The following CD276 variants were observed in gnomAD, a reference collection of about 807,000 sequenced individuals.
CD276 encodes CD276 antigen.
CD276 carries 34 observed loss-of-function variants against 50.0 expected under a neutral mutation model. The ratio of observed to expected loss-of-function variants is 0.68; its 90% CI spans 0.52 to 0.91. The LOEUF (loss-of-function observed/expected upper bound fraction) is 0.91. CD276 is among the 40% of genes least tolerant of loss of function. CD276 has a pLI of 0.00. For synonymous variants in CD276, 275 were observed against 313.0 expected, an observed-to-expected ratio of 0.88 and a Z score of 1.28; for missense variants, 634 against 717.5, an observed-to-expected ratio of 0.88 and a Z score of 1.33.
chr15:73,713,259 C>G lies in CD276; in HGVS notation c.*303C>G, dbSNP rs3816661. 8.3e-5 allele frequency: 34 copies of G among 407,884 alleles called. No homozygotes were observed. Among genetic ancestry groups the G allele is most frequent in the Non-Finnish European group, 1.0e-4 (23 of 229,062 alleles). The allele number at this position is 407,884 out of a possible 1,614,324, so 25.3% of individuals were successfully genotyped here. The stretch of plus-strand genomic sequence containing the variant: ...ACATACATTTCTTAGGGACACAGTA[C>G]ACTGACCACATCACCACCCTCTTCT... On this transcript the variant is annotated 3_prime_UTR_variant, in exon 10 of 10. Coordinates refer to ENST00000318443, the MANE Select transcript of CD276 (RefSeq NM_001024736.2).
In CD276 at chr15:73,704,017, C is replaced by G; in HGVS notation, c.1072+20C>G. 3.8e-6 allele frequency: 6 copies of G among 1,599,812 alleles called. No homozygotes were observed. Among genetic ancestry groups the G allele is most frequent in the Non-Finnish European group, 5.1e-6 (6 of 1,173,568 alleles). ...TGGCCGGTGAGCACCAGGAGGGCGA[C>G]GCCTTCCCCTTGGTTCACCCTCCAT... On this transcript the variant is annotated intron_variant, in intron 5 of 9. Transcript: ENST00000318443. The surrounding 1 kb of genome is among the most constrained non-coding windows in gnomAD (Gnocchi z 4.1).
rs775147523 is a variant in CD276, at chr15:73,704,449, C to T, written c.1346C>T (p.Ala449Val). The change falls in exon 6 of 10, where the codon GCG (alanine) becomes GTG (valine). Residue 449 changes from alanine (A) to valine (V), a missense_variant. Coordinates refer to ENST00000318443, the MANE Select transcript of CD276 (RefSeq NM_001024736.2). The surrounding 1 kb of genome is among the most constrained non-coding windows in gnomAD (Gnocchi z 4.1). ...CGCAACCCCGTGCTGCAGCAGGATG[C>T]GCACGGCTCTGTCACCATCACAGGT... ...LVRNPVLQQDAHGSVTITGQP... is the reference protein window; with the variant it reads ...LVRNPVLQQDVHGSVTITGQP... 19 of 1,613,396 alleles carry T rather than the reference C, an allele frequency of 1.2e-5. No homozygotes were observed. Among genetic ancestry groups the T allele is most frequent in the African/African-American group, 5.3e-5 (4 of 74,922 alleles).
At chr15:73,711,099 T>A (rs779917138) in intron 8 of CD276, 36 bp from the exon 9 acceptor site, 3 of 1,613,132 alleles carry the variant, frequency 1.9e-6, no homozygotes, top group Non-Finnish European at 2.5e-6. Context: ...TTCCCATGGT[T>A]CCTCCCTCAC....
chr15:73,699,603 C>T lies in CD276; in HGVS notation c.-37C>T. The T allele has an allele frequency of 6.2e-7, 1 of 1,609,562 alleles. No homozygotes were observed. The highest frequency in any genetic ancestry group is 8.5e-7 in the Non-Finnish European group (1 of 1,178,528). On this transcript the variant is annotated 5_prime_UTR_variant, in exon 2 of 10. Coordinates refer to ENST00000318443, the MANE Select transcript of CD276 (RefSeq NM_001024736.2). The stretch of plus-strand genomic sequence containing the variant: ...TCTCCCAGGCAGGGGCAGCCTTCCA[C>T]CACGGGGAGCCCAGCTGTCAGCCGC...
chr15:73,710,643 C>T (rs765931739), intron 8 of CD276, among the ~76,000 whole-genome samples: 11 of 152,210 alleles, frequency 7.2e-5, no homozygotes, highest in African/African-American at 1.4e-4. Context: ...TGGTGCCCAG[C>T]GTGGCAGGCG....
intron 1 of CD276, chr15:73,685,171 C>T (rs1255981274): frequency 7.3e-6 from 1 of 136,714 alleles, no homozygotes; most frequent in African/African-American, 2.8e-5. Context: ...TGGGAAGCCT[C>T]AGGGAGGTGG....
chr15:73,695,321 C>G (rs1306329264), intron 1 of CD276, among the ~76,000 whole-genome samples: 2 of 152,166 alleles, frequency 1.3e-5, no homozygotes, highest in African/African-American at 4.8e-5. Flanking sequence ...GAGGGGCAGA[C>G]AGGCAGTGTC....
At chr15:73,706,107 G>A (rs377519667) in intron 6 of CD276, among the ~76,000 whole-genome samples, 2 of 152,096 alleles carry the variant, frequency 1.3e-5, no homozygotes, top group South Asian at 2.1e-4. Flanking sequence ...AAAATTAGCT[G>A]GGCGTGGTGG....
At chr15:73,685,336 G>A (rs2141526570) in intron 1 of CD276, among the ~76,000 whole-genome samples, 1 of 152,262 alleles carries the variant, frequency 6.6e-6, no homozygotes, top group Non-Finnish European at 1.5e-5. Flanking sequence ...GGCAGCCTAA[G>A]GCAGGGGATT....
rs1023657829 is a variant in CD276, at chr15:73,713,661, G to A, written c.*705G>A. 7 of 395,434 alleles carry A rather than the reference G, an allele frequency of 1.8e-5. No homozygotes were observed. Among genetic ancestry groups the A allele is most frequent in the South Asian group, 5.4e-5 (3 of 55,248 alleles). The allele number at this position is 395,434 out of a possible 1,614,324, so 24.5% of individuals were successfully genotyped here. On this transcript the variant is annotated 3_prime_UTR_variant, in exon 10 of 10. Transcript: ENST00000318443. ...CCTGCAGGTGCACGTGCTGGAACAC[G>A]TGTGGTTCCCCCCTGGCCCAGCCTC...
chr15:73,687,066 A>G lies in CD276; in HGVS notation c.-55+2606A>G, dbSNP rs1899799671. 6.6e-6 allele frequency among the ~76,000 whole-genome samples: 1 copy of G among 152,102 alleles called. No individual in the cohort carries two copies. The highest frequency in any genetic ancestry group is 1.5e-5 in the Non-Finnish European group (1 of 67,998). On this transcript the variant is annotated intron_variant, in intron 1 of 9. Transcript: ENST00000318443. The surrounding 1 kb of genome is among the most constrained non-coding windows in gnomAD (Gnocchi z 4.0). ...GGGAGAGGGGTGAGGACTGGTCCAC[A>G]TGATTTTTGAGAAATTGCCTTTGGT...
chr15:73,707,976 AC>A (rs1456928651), intron 6 of CD276, among the ~76,000 whole-genome samples: 1 of 152,236 alleles, frequency 6.6e-6, no homozygotes, highest in East Asian at 1.9e-4. Context: ...TGAGGCTCCT[AC>A]AGTAGAATTA....
chr15:73,705,154 C>G (rs143570650), intron 6 of CD276, among the ~76,000 whole-genome samples: 1 of 152,210 alleles, frequency 6.6e-6, no homozygotes, highest in Non-Finnish European at 1.5e-5. Context: ...GGCCTCTGGT[C>G]AGTCACTTCC....
rs1254947736 is a variant in CD276, at chr15:73,712,987, C to G, written c.*31C>G. On this transcript the variant is annotated 3_prime_UTR_variant, in exon 10 of 10. Coordinates refer to ENST00000318443, the MANE Select transcript of CD276 (RefSeq NM_001024736.2). ...AGGACCAGGGAGCTGCTACCCCTCC[C>G]TACAGCTCCTACCCTCTGGCTGCAA... The G allele has an allele frequency of 8.1e-6, 13 of 1,607,136 alleles. No homozygotes were observed. Among genetic ancestry groups the G allele is most frequent in the Non-Finnish European group, 1.1e-5 (13 of 1,174,004 alleles).
intron 9 of CD276, chr15:73,711,433 G>A (rs1900897612): frequency 2.2e-6 from 1 of 447,770 alleles, no homozygotes; most frequent in Non-Finnish European, 4.0e-6. Flanking sequence ...ATAGGTAATC[G>A]TAAAACCACT....
intron 1 of CD276, among the ~76,000 whole-genome samples, chr15:73,686,590 C>T (rs1343622207): frequency 6.6e-6 from 1 of 152,102 alleles, no homozygotes; most frequent in Non-Finnish European, 1.5e-5. Flanking sequence ...TAAACTTTGG[C>T]TTTCTCTGGA....
intron 7 of CD276, chr15:73,708,758 CCAA>C (rs753922970): frequency 1.1e-4 from 50 of 452,272 alleles, no homozygotes; most frequent in East Asian, 3.9e-4. Flanking sequence ...TGAGTGTGTG[CCAA>C]CAAGTGTGCC....
intron 1 of CD276, among the ~76,000 whole-genome samples, chr15:73,696,932 T>C (rs886539802): frequency 1.3e-5 from 2 of 151,362 alleles, no homozygotes; most frequent in Non-Finnish European, 2.9e-5. Context: ...GGGTGGGAGA[T>C]GGAAGCTTGA....
intron 2 of CD276, among the ~76,000 whole-genome samples, chr15:73,699,934 G>T (rs1247608763): frequency 1.3e-5 from 2 of 152,142 alleles, no homozygotes; most frequent in Non-Finnish European, 2.9e-5. Context: ...AAATGAGATC[G>T]TGCTATTTCT....
Sources: gnomAD v4.1 joint callset for allele counts (sites outside exome capture counted in the v4.1 genomes callset) on GRCh38, gnomAD v4.1.1 for gene constraint, Gnocchi (gnomAD v3.1) non-coding constraint, MANE v1.5 for transcripts, NCBI Gene and HGNC (gene_info 2026-07-23, HGNC 2026-07-21) for gene names.